OCA2: variants seen among roughly 807,000 people sequenced by gnomAD.
OCA2 encodes P protein.
In OCA2, 77 loss-of-function variants were observed where a neutral mutation model predicts 100.2. The observed-to-expected ratio is 0.77, with a 90% CI of 0.64 to 0.93. OCA2 has a LOEUF of 0.93. Ranked by LOEUF, OCA2 falls within the 40% of genes least tolerant of loss-of-function variation. The pLI is 0.00. For synonymous variants in OCA2, 432 were observed against 439.2 expected (o/e 0.98, Z 0.21); for missense variants, 1,062 against 1,089.1 (o/e 0.98, Z 0.35).
intron 23 of OCA2, among the ~76,000 whole-genome samples, chr15:27,803,221 C>T (rs1249403292): frequency 6.6e-6 from 1 of 152,084 alleles, no homozygotes; most frequent in Non-Finnish European, 1.5e-5. Flanking sequence ...TCCAGCAACC[C>T]CACTTCGGCA....
intron 2 of OCA2, among the ~76,000 whole-genome samples, chr15:28,066,634 C>T (rs958237961): frequency 6.6e-6 from 1 of 152,136 alleles, no homozygotes; most frequent in African/African-American, 2.4e-5. Context: ...ATTTCTTTGA[C>T]ACATTTTTAA....
At chr15:27,920,842 T>C (rs2038830833) in intron 19 of OCA2, among the ~76,000 whole-genome samples, 1 of 151,272 alleles carries the variant, frequency 6.6e-6, no homozygotes, top group South Asian at 2.1e-4. Context: ...AAATTACTCA[T>C]CAAAAATTAA....
chr15:27,783,083 A>T (rs1312951851), intron 23 of OCA2, among the ~76,000 whole-genome samples: 1 of 152,228 alleles, frequency 6.6e-6, no homozygotes, highest in Non-Finnish European at 1.5e-5. Context: ...CCAGTAAGAC[A>T]GCACAGCCCA....
chr15:27,768,262 TCTATTA>T (rs1242414334), intron 23 of OCA2, among the ~76,000 whole-genome samples: 2 of 152,324 alleles, frequency 1.3e-5, no homozygotes, highest in African/African-American at 4.8e-5. Flanking sequence ...AAAAAATTCT[TCTATTA>T]CTGAGAAAAG....
chr15:27,892,391 AAACT>A (rs1220433594), intron 19 of OCA2, among the ~76,000 whole-genome samples: 1 of 152,210 alleles, frequency 6.6e-6, no homozygotes, highest in Non-Finnish European at 1.5e-5. Flanking sequence ...ATAAAGTTAG[AAACT>A]AACAGAAAGA....
chr15:27,953,686 T>G (rs929260843), intron 17 of OCA2, among the ~76,000 whole-genome samples: 1 of 152,136 alleles, frequency 6.6e-6, no homozygotes, highest in Non-Finnish European at 1.5e-5. Flanking sequence ...TGGAGGTTTT[T>G]TGGGGGTATC....
chr15:27,747,805 G>A, the OCA2 span, among the ~76,000 whole-genome samples: 1 of 152,116 alleles, frequency 6.6e-6, no homozygotes. Context: ...CAGCAAATGA[G>A]AATTTTGATC....
At chr15:27,821,557 TCA>T (rs1031206840) in intron 23 of OCA2, among the ~76,000 whole-genome samples, 3 of 151,094 alleles carry the variant, frequency 2.0e-5, no homozygotes, top group Admixed American at 6.6e-5. Flanking sequence ...ATGCACACAT[TCA>T]CACACACACA....
intron 19 of OCA2, chr15:27,896,638 C>CAAAAAAA (rs58489908): frequency 2.8e-5 from 4 of 141,172 alleles, no homozygotes; most frequent in Non-Finnish European, 4.6e-5. Flanking sequence ...TTATTGACAG[C>CAAAAAAA]AAAAAAAAAA....
intron 23 of OCA2, among the ~76,000 whole-genome samples, chr15:27,830,838 A>C (rs1033747960): frequency 6.6e-6 from 1 of 152,236 alleles, no homozygotes; most frequent in Non-Finnish European, 1.5e-5. Context: ...CTCCCAGTTA[A>C]GAAGATGTCA....
intron 21 of OCA2, among the ~76,000 whole-genome samples, chr15:27,862,075 G>A (rs1265902944): frequency 6.6e-5 from 10 of 152,112 alleles, no homozygotes; most frequent in Non-Finnish European, 1.3e-4. Flanking sequence ...AAGTCCTCAT[G>A]GAGAGAAAGC....
chr15:27,974,888 A>C (rs1029577649), intron 14 of OCA2, among the ~76,000 whole-genome samples: 1 of 152,254 alleles, frequency 6.6e-6, no homozygotes, highest in African/African-American at 2.4e-5. Flanking sequence ...AGAAAATTGT[A>C]TGACAAGCCT....
intron 19 of OCA2, among the ~76,000 whole-genome samples, chr15:27,886,109 G>A (rs1360406843): frequency 1.3e-5 from 2 of 152,194 alleles, no homozygotes; most frequent in Admixed American, 6.5e-5. Flanking sequence ...GAGGTGACAA[G>A]TACAAATGCA....
the OCA2 span, among the ~76,000 whole-genome samples, chr15:27,746,383 C>T: frequency 2.6e-5 from 4 of 152,142 alleles, no homozygotes; most frequent in African/African-American, 9.7e-5. Flanking sequence ...ATTACTTGAA[C>T]CCAGGAAATG....
At chr15:27,948,913 A>T (rs1268273005) in intron 18 of OCA2, among the ~76,000 whole-genome samples, 1 of 152,204 alleles carries the variant, frequency 6.6e-6, no homozygotes, top group East Asian at 1.9e-4. Context: ...GATGGAGACA[A>T]GATCAGTCCT....
At chr15:27,861,542 G>A (rs1024777991) in intron 21 of OCA2, among the ~76,000 whole-genome samples, 2 of 152,024 alleles carry the variant, frequency 1.3e-5, no homozygotes, top group South Asian at 4.2e-4. Flanking sequence ...GAGGCGAGGA[G>A]AAGGAGCCCC....
chr15:27,845,817 C>G (rs1013048096), intron 22 of OCA2, among the ~76,000 whole-genome samples: 1 of 152,204 alleles, frequency 6.6e-6, no homozygotes, highest in Non-Finnish European at 1.5e-5. Context: ...CGCCTTCCAT[C>G]TCCATCTCTC....
At position 28,016,801 on chromosome 15, in the gene OCA2, A is replaced by AT. The variant is rs527262088; in HGVS notation, c.808-616dup. Among the ~76,000 whole-genome samples, 842 of 152,136 alleles carry AT rather than the reference A, an allele frequency of 5.5e-3. 5 individuals carry two copies. Among genetic ancestry groups the AT allele is most frequent in the African/African-American group, 0.019 (807 of 41,488 alleles). On this transcript the variant is annotated intron_variant, in intron 7 of 23. Coordinates refer to ENST00000354638, the MANE Select transcript of OCA2 (RefSeq NM_000275.3). ...CGACTCTAAAAATTTTCTAATATAA[A>AT]TTTTTTTTAATTTAAAAAATGAAAT...
intron 23 of OCA2, among the ~76,000 whole-genome samples, chr15:27,829,779 G>A (rs760334300): frequency 2.0e-4 from 30 of 152,188 alleles, no homozygotes; most frequent in Non-Finnish European, 1.6e-4. Flanking sequence ...TACCTGATTC[G>A]CCACTTTGGC....
Sources: allele counts gnomAD v4.1 joint callset (sites outside exome capture counted in the v4.1 genomes callset), GRCh38; gene constraint gnomAD v4.1.1; transcripts MANE v1.5; gene names NCBI Gene and HGNC (gene_info 2026-07-23, HGNC 2026-07-21).